Variants in SNTG1 observed in about 807,000 individuals in gnomAD.
The protein encoded by SNTG1 is syntrophin gamma 1.
Under a neutral mutation model 74.7 loss-of-function variants are expected in SNTG1, and 39 were observed. That is an observed-to-expected ratio of 0.52 (90% CI 0.40 to 0.68). The LOEUF is 0.68. Among genes scored for constraint, SNTG1 ranks in the 30% least tolerant of loss-of-function variants. The pLI is 0.00. For synonymous variants in SNTG1, 254 were observed against 217.1 expected, an observed-to-expected ratio of 1.17 and a Z score of -1.49; for missense variants, 685 against 609.5, an observed-to-expected ratio of 1.12 and a Z score of -1.30.
chr8:50,415,718 ATTG>A (rs200250356), intron 4 of SNTG1, among the ~76,000 whole-genome samples: 2,055 of 152,254 alleles, frequency 0.013, 49 homozygotes, highest in African/African-American at 0.044. Context: ...TATCATACAT[ATTG>A]TTAATTTTTA....
At chr8:50,215,486 T>C (rs1040408944) in intron 2 of SNTG1, among the ~76,000 whole-genome samples, 2 of 146,950 alleles carry the variant, frequency 1.4e-5, no homozygotes, top group Non-Finnish European at 3.0e-5. Flanking sequence ...AGACTATATA[T>C]ATATAGACTA....
At chr8:50,237,280 C>T (rs569160052) in intron 2 of SNTG1, among the ~76,000 whole-genome samples, 21 of 152,118 alleles carry the variant, frequency 1.4e-4, no homozygotes, top group Non-Finnish European at 2.6e-4. Context: ...TATATATTTC[C>T]TGCTTATTTG....
chr8:50,051,323 T>C (rs1318412955), intron 1 of SNTG1, among the ~76,000 whole-genome samples: 2 of 150,340 alleles, frequency 1.3e-5, no homozygotes, highest in Non-Finnish European at 3.0e-5. Flanking sequence ...TAACAGCATA[T>C]AAGATCGAAG....
chr8:50,110,268 A>C (rs1048731993), intron 1 of SNTG1, among the ~76,000 whole-genome samples: 2 of 151,918 alleles, frequency 1.3e-5, no homozygotes, highest in Non-Finnish European at 2.9e-5. Context: ...CTCTCTCCTC[A>C]TATCTAGCAT....
chr8:50,364,753 A>G (rs774274896), intron 2 of SNTG1, among the ~76,000 whole-genome samples: 1 of 152,028 alleles, frequency 6.6e-6, no homozygotes, highest in African/African-American at 2.4e-5. Flanking sequence ...ATTATATTCA[A>G]TTATATTTTA....
intron 2 of SNTG1, among the ~76,000 whole-genome samples, chr8:50,260,087 A>G (rs1586875433): frequency 6.6e-6 from 1 of 152,194 alleles, no homozygotes; most frequent in African/African-American, 2.4e-5. Context: ...AACTGTTTTG[A>G]AATACACCTG....
chr8:50,246,855 C>T (rs936799910), intron 2 of SNTG1, among the ~76,000 whole-genome samples: 9 of 152,192 alleles, frequency 5.9e-5, no homozygotes, highest in African/African-American at 2.2e-4. Context: ...CTACTTCAAC[C>T]TCTTTTTAGC....
At chr8:50,572,307 G>A (rs2094553842) in intron 12 of SNTG1, among the ~76,000 whole-genome samples, 2 of 150,884 alleles carry the variant, frequency 1.3e-5, no homozygotes, top group Admixed American at 6.6e-5. Flanking sequence ...CATTTCTGAT[G>A]TTTGGTGAAT....
At chr8:50,056,790 G>C (rs767657647) in intron 1 of SNTG1, among the ~76,000 whole-genome samples, 23 of 152,188 alleles carry the variant, frequency 1.5e-4, no homozygotes, top group Non-Finnish European at 2.4e-4. Flanking sequence ...ATAGATGAGT[G>C]AATAGGCCCC....
At chr8:50,763,966 TA>T (rs143911659) in intron 18 of SNTG1, among the ~76,000 whole-genome samples, 23 of 135,554 alleles carry the variant, frequency 1.7e-4, no homozygotes, top group East Asian at 9.2e-4. Context: ...AGAATACTGA[TA>T]AAAAAAAATA....
chr8:50,485,084 T>C (rs1281745124), intron 8 of SNTG1, among the ~76,000 whole-genome samples: 1 of 152,162 alleles, frequency 6.6e-6, no homozygotes, highest in Non-Finnish European at 1.5e-5. Context: ...AACATGTGAT[T>C]ACATTTGATC....
intron 2 of SNTG1, among the ~76,000 whole-genome samples, chr8:50,377,886 G>A (rs1369060655): frequency 6.6e-6 from 1 of 152,224 alleles, no homozygotes; most frequent in African/African-American, 2.4e-5. Context: ...TTGTGAAAAA[G>A]CAGAGTAGGT....
At chr8:50,183,273 G>A (rs143330173) in intron 2 of SNTG1, among the ~76,000 whole-genome samples, 7 of 152,214 alleles carry the variant, frequency 4.6e-5, no homozygotes, top group East Asian at 1.9e-4. Context: ...TTACGCTTCC[G>A]CATTCACACA....
intron 1 of SNTG1, among the ~76,000 whole-genome samples, chr8:50,059,115 A>C (rs1195820600): frequency 6.6e-6 from 1 of 152,074 alleles, no homozygotes; most frequent in African/African-American, 2.4e-5. Context: ...ATTCCATAGT[A>C]CCCATGTGCC....
At chr8:50,356,765 G>A (rs2091827652) in intron 2 of SNTG1, among the ~76,000 whole-genome samples, 1 of 152,112 alleles carries the variant, frequency 6.6e-6, no homozygotes, top group East Asian at 1.9e-4. Context: ...GGGCCATTCA[G>A]TTTCAACACC....
chr8:50,658,398 A>G (rs958475332), intron 14 of SNTG1, among the ~76,000 whole-genome samples, 194 bp from the exon 15 acceptor site: 3 of 152,226 alleles, frequency 2.0e-5, no homozygotes, highest in African/African-American at 7.2e-5. Context: ...AAAGCATAAG[A>G]CAAATGGTAA....
intron 1 of SNTG1, among the ~76,000 whole-genome samples, chr8:50,028,890 A>C (rs1817508586): frequency 6.6e-6 from 1 of 152,022 alleles, no homozygotes; most frequent in Non-Finnish European, 1.5e-5. Flanking sequence ...GTCAAGCAAC[A>C]TTTTTGTGTG....
chr8:50,590,292 A>G (rs1233992355), intron 12 of SNTG1, among the ~76,000 whole-genome samples: 3 of 152,140 alleles, frequency 2.0e-5, no homozygotes, highest in Non-Finnish European at 4.4e-5. Flanking sequence ...TCCAAGCCTA[A>G]TGTTCATTTT....
chr8:49,938,545 T>TTCTTA (rs2129369204), intron 1 of SNTG1, among the ~76,000 whole-genome samples: 1 of 42,306 alleles, frequency 2.4e-5, no homozygotes, highest in South Asian at 1.2e-3. Flanking sequence ...TTACCATGCC[T>TTCTTA]TCTTTTCTTT....
Sources: allele counts gnomAD v4.1 joint callset (sites outside exome capture counted in the v4.1 genomes callset), GRCh38; gene constraint gnomAD v4.1.1; transcripts MANE v1.5; gene names NCBI Gene and HGNC (gene_info 2026-07-23, HGNC 2026-07-21).